The following CCDC85C variants were observed in gnomAD, a reference collection of about 807,000 sequenced individuals.
CCDC85C encodes the protein coiled-coil domain-containing protein 85C.
Under a neutral mutation model 38.3 loss-of-function variants are expected in CCDC85C, and 18 were observed. The observed-to-expected ratio is 0.47, with a 90% CI of 0.33 to 0.70. CCDC85C has a LOEUF of 0.70. Ranked by LOEUF, CCDC85C falls within the 30% of genes least tolerant of loss-of-function variation. CCDC85C has a pLI of 0.03. For missense variants in CCDC85C, 566 were observed against 621.2 expected, an observed-to-expected ratio of 0.91 and a Z score of 0.94; for synonymous variants, 264 against 293.8, an observed-to-expected ratio of 0.90 and a Z score of 1.04.
In CCDC85C at chr14:99,516,185, C is replaced by G; in HGVS notation, c.1170+3G>C. 6.4e-7 allele frequency: 1 copy of G among 1,550,796 alleles called. No individual in the cohort carries two copies. The highest frequency in any genetic ancestry group is 8.7e-7 in the Non-Finnish European group (1 of 1,146,540). On this transcript the variant is annotated splice_donor_region_variant and intron_variant, in intron 5 of 5. Transcript: ENST00000380243. The surrounding 1 kb of genome is among the most constrained non-coding windows in gnomAD (Gnocchi z 5.5). ...CTCTGCCCCCCACCCCTGGAAGCCT[C>G]ACGTTGCACATCTCGCGAACGATGG...
rs112290393 is a variant in CCDC85C at position 99,583,723 on chromosome 14, A to T, written c.793+19444T>A. Among the ~76,000 whole-genome samples the T allele has an allele frequency of 4.7e-5, 7 of 150,464 alleles. No individual in the cohort carries two copies. The Admixed American group carries it at 4.7e-4, about 10-fold the overall frequency. ...CTCAGGAGGCTAAGGCAGAAGAATCACTTGAACCTGGGAGGCAGAGGTTGC... is the reference window on the plus strand; with the variant it reads ...CTCAGGAGGCTAAGGCAGAAGAATCTCTTGAACCTGGGAGGCAGAGGTTGC... On this transcript the variant is annotated intron_variant, in intron 1 of 5. Coordinates refer to ENST00000380243, the MANE Select transcript of CCDC85C (RefSeq NM_001144995.2).
chr14:99,572,366 A>ACTGCGGGCG lies in CCDC85C; in HGVS notation c.793+30792_793+30800dup, dbSNP rs1467293406. Among the ~76,000 whole-genome samples the ACTGCGGGCG allele has an allele frequency of 2.6e-5, 4 of 152,128 alleles. No individual in the cohort carries two copies. Among genetic ancestry groups the ACTGCGGGCG allele is most frequent in the African/African-American group, 9.7e-5 (4 of 41,422 alleles). ...TGGCATGTGGCCTTCCTCACGGGAC[A>ACTGCGGGCG]CTGCGGGCGCTGCGGGCTAGTGTCT... On this transcript the variant is annotated intron_variant, in intron 1 of 5. Transcript: ENST00000380243. The surrounding 1 kb of genome is among the most constrained non-coding windows in gnomAD (Gnocchi z 4.4).
chr14:99,597,171 C>T (rs4905862), intron 1 of CCDC85C, among the ~76,000 whole-genome samples: 102,968 of 151,962 alleles, frequency 0.68, 39,399 homozygotes, highest in South Asian at 0.88. Flanking sequence ...CAGAGTGATG[C>T]TCCAGAACCA....
intron 2 of CCDC85C, among the ~76,000 whole-genome samples, chr14:99,526,399 C>T (rs1294512463): frequency 6.6e-6 from 1 of 152,248 alleles, no homozygotes; most frequent in Non-Finnish European, 1.5e-5. Flanking sequence ...ACTGTGCAGT[C>T]CCCAGGCTGG....
intron 1 of CCDC85C, among the ~76,000 whole-genome samples, chr14:99,601,559 G>A (rs562834300): frequency 2.0e-5 from 3 of 152,268 alleles, no homozygotes; most frequent in African/African-American, 4.8e-5. Flanking sequence ...TTCCAGCCAC[G>A]AGACTGCAGC....
rs1438549026 is a variant in CCDC85C, at chr14:99,510,520, TCCC to T, written c.*4723_*4725del. 18 of 367,402 alleles carry T rather than the reference TCCC, an allele frequency of 4.9e-5. No individual in the cohort carries two copies. The East Asian group carries it at 2.2e-3, about 46-fold the overall frequency. The allele number at this position is 367,402 out of a possible 1,614,324, so 22.8% of individuals were successfully genotyped here. A position where few individuals can be genotyped will look rare whatever the true frequency, so the allele number is the denominator to read the frequency against. On this transcript the variant is annotated 3_prime_UTR_variant, in exon 6 of 6. Transcript: ENST00000380243. Reference sequence around the variant, plus strand: ...CCTGTGCCTCCTCCCCCAGCCTCCTTCCCCCCACCTGCCATCCCACCCCCTACT... The same window carrying T: ...CCTGTGCCTCCTCCCCCAGCCTCCTTCCCACCTGCCATCCCACCCCCTACT...
intron 1 of CCDC85C, among the ~76,000 whole-genome samples, chr14:99,568,224 C>T (rs193213622): frequency 3.4e-5 from 5 of 146,824 alleles, no homozygotes; most frequent in African/African-American, 1.0e-4. Flanking sequence ...AAGCCACAGA[C>T]ACTCTCTGGA....
intron 1 of CCDC85C, among the ~76,000 whole-genome samples, chr14:99,594,096 G>A (rs961127824): frequency 2.0e-5 from 3 of 152,000 alleles, no homozygotes. Context: ...AAGGACAGGT[G>A]GGCAAAGTGG....
At chr14:99,593,770 C>T (rs2055114643) in intron 1 of CCDC85C, among the ~76,000 whole-genome samples, 1 of 152,256 alleles carries the variant, frequency 6.6e-6, no homozygotes, top group African/African-American at 2.4e-5. Context: ...GGGATCCTGG[C>T]TCTGGCCACC....
chr14:99,584,954 G>C (rs2055011445), intron 1 of CCDC85C, among the ~76,000 whole-genome samples: 1 of 152,142 alleles, frequency 6.6e-6, no homozygotes, highest in Non-Finnish European at 1.5e-5. Flanking sequence ...AATTGGCCAG[G>C]CATGGTGGCA....
At chr14:99,550,575 T>C (rs914766880) in intron 1 of CCDC85C, among the ~76,000 whole-genome samples, 2 of 152,226 alleles carry the variant, frequency 1.3e-5, no homozygotes, top group African/African-American at 4.8e-5. Context: ...TGTGTGACTT[T>C]AGGTTGCTTG....
In CCDC85C at chr14:99,604,028, C is replaced by T; in HGVS notation, c.-69G>A. On this transcript the variant is annotated 5_prime_UTR_variant, in exon 1 of 6. Transcript: ENST00000380243. Reference sequence around the variant, plus strand: ...GGCGCTTCCCCGCGCCGGGGCTCCGCTGGGCCGGTCCGCGCGCGGGCGGGG... The same window carrying T: ...GGCGCTTCCCCGCGCCGGGGCTCCGTTGGGCCGGTCCGCGCGCGGGCGGGG... The T allele has an allele frequency of 1.9e-6, 2 of 1,038,544 alleles. No homozygotes were observed. Among genetic ancestry groups the T allele is most frequent in the Non-Finnish European group, 2.3e-6 (2 of 866,260 alleles). The allele number at this position is 1,038,544 out of a possible 1,614,324, so 64.3% of individuals were successfully genotyped here. A position where few individuals can be genotyped will look rare whatever the true frequency, so the allele number is the denominator to read the frequency against.
rs1450469077 is a variant in CCDC85C at position 99,572,058 on chromosome 14, C to T, written c.793+31109G>A. Among the ~76,000 whole-genome samples the T allele has an allele frequency of 6.6e-6, 1 of 152,162 alleles. No homozygotes were observed. The highest frequency in any genetic ancestry group is 6.5e-5 in the Admixed American group (1 of 15,284). On this transcript the variant is annotated intron_variant, in intron 1 of 5. Coordinates refer to ENST00000380243, the MANE Select transcript of CCDC85C (RefSeq NM_001144995.2). This position sits in a 1 kb window ranked among gnomAD's most constrained non-coding sequence, Gnocchi z 4.4. ...TCCACGGGGCATCTCAGAGCGTGAT[C>T]CCCAGAGCCCCCAACCCTAACCCAG...
In CCDC85C at chr14:99,516,104, C is replaced by T. The variant is rs1897220492; in HGVS notation, c.1170+84G>A. ...TGAGCATTCGAGAAATGGAGTCCCACATGGGGAAGGGTATGGCCATGCTGG... is the reference window on the plus strand; with the variant it reads ...TGAGCATTCGAGAAATGGAGTCCCATATGGGGAAGGGTATGGCCATGCTGG... On this transcript the variant is annotated intron_variant, in intron 5 of 5. Coordinates refer to ENST00000380243, the MANE Select transcript of CCDC85C (RefSeq NM_001144995.2). The surrounding 1 kb of genome is among the most constrained non-coding windows in gnomAD (Gnocchi z 5.5). The T allele has an allele frequency of 2.8e-6, 3 of 1,063,310 alleles. No individual in the cohort carries two copies. Among genetic ancestry groups the T allele is most frequent in the Non-Finnish European group, 2.8e-6 (2 of 708,296 alleles). The allele number at this position is 1,063,310 out of a possible 1,614,324, so 65.9% of individuals were successfully genotyped here.
intron 1 of CCDC85C, among the ~76,000 whole-genome samples, chr14:99,585,677 G>C (rs8020049): frequency 0.38 from 57,673 of 152,152 alleles, 11,966 homozygotes; most frequent in African/African-American, 0.56. Flanking sequence ...GGTGTGGCAC[G>C]TGGGTCTGCT....
At chr14:99,597,378 A>G (rs1476026220) in intron 1 of CCDC85C, among the ~76,000 whole-genome samples, 1 of 152,118 alleles carries the variant, frequency 6.6e-6, no homozygotes, top group Non-Finnish European at 1.5e-5. Context: ...AAAGCTGGGC[A>G]TTTTCCCTTC....
chr14:99,524,973 G>A (rs1897355905), intron 2 of CCDC85C, among the ~76,000 whole-genome samples: 1 of 152,230 alleles, frequency 6.6e-6, no homozygotes, highest in Admixed American at 6.5e-5. Flanking sequence ...CCTTAACAGG[G>A]TGGGGCCAGC....
At chr14:99,549,044 G>C (rs1262453734) in intron 1 of CCDC85C, among the ~76,000 whole-genome samples, 1 of 152,156 alleles carries the variant, frequency 6.6e-6, no homozygotes, top group Non-Finnish European at 1.5e-5. Context: ...AAGTCGGGGA[G>C]GGAGGAGGAT....
At chr14:99,562,285 G>A (rs1285002822) in intron 1 of CCDC85C, among the ~76,000 whole-genome samples, 3 of 152,084 alleles carry the variant, frequency 2.0e-5, no homozygotes, top group Non-Finnish European at 4.4e-5. Flanking sequence ...CCATCACCTT[G>A]GCTCCTGCCC....
Sources: gnomAD v4.1 joint callset for allele counts (sites outside exome capture counted in the v4.1 genomes callset) on GRCh38, gnomAD v4.1.1 for gene constraint, Gnocchi (gnomAD v3.1) non-coding constraint, MANE v1.5 for transcripts, NCBI Gene and HGNC (gene_info 2026-07-23, HGNC 2026-07-21) for gene names.